The following GLRB variants were observed in gnomAD, a reference collection of about 807,000 sequenced individuals.
GLRB encodes glycine receptor beta, also known as glycine receptor subunit beta.
In GLRB, 33 loss-of-function variants were observed where a neutral mutation model predicts 54.2. That is an observed-to-expected ratio of 0.61 (90% CI 0.46 to 0.81). GLRB has a LOEUF of 0.81. Among genes scored for constraint, GLRB ranks in the 40% least tolerant of loss-of-function variants. The pLI is 0.00. For missense variants in GLRB, 572 were observed against 584.6 expected, an observed-to-expected ratio of 0.98 and a Z score of 0.22; for synonymous variants, 209 against 208.2, an observed-to-expected ratio of 1.00 and a Z score of -0.03.
rs1560931011 is a variant in GLRB, at chr4:157,082,967, TA to T, written c.122+4822del. On this transcript the variant is annotated intron_variant, in intron 2 of 9. Transcript: ENST00000264428. ...TATCAGACAAATGAATAGTGTTTTATATATATATATATATATATATATACAC... is the reference window on the plus strand; with the variant it reads ...TATCAGACAAATGAATAGTGTTTTATTATATATATATATATATATATACAC... Among the ~76,000 whole-genome samples the T allele has an allele frequency of 4.3e-3, 373 of 87,024 alleles. 2 individuals are homozygous for T. The highest frequency in any genetic ancestry group is 0.013 in the African/African-American group (287 of 22,386). 57.1% of individuals were successfully genotyped at this position (87,024 alleles called of 152,430 possible). A position where few individuals can be genotyped will look rare whatever the true frequency, so the allele number is the denominator to read the frequency against.
intron 9 of GLRB, among the ~76,000 whole-genome samples, chr4:157,159,602 T>C (rs1737385317): frequency 6.6e-6 from 1 of 152,210 alleles, no homozygotes; most frequent in African/African-American, 2.4e-5. Context: ...ATCTGGTTTT[T>C]GTCTTTGGTT....
At chr4:157,114,625 T>C (rs1735540056) in intron 2 of GLRB, among the ~76,000 whole-genome samples, 1 of 151,796 alleles carries the variant, frequency 6.6e-6, no homozygotes, top group African/African-American at 2.4e-5. Context: ...ATAGTTGTCA[T>C]GCCTTCTTGT....
intron 4 of GLRB, among the ~76,000 whole-genome samples, chr4:157,128,281 A>G (rs1736089215): frequency 6.6e-6 from 1 of 151,838 alleles, no homozygotes; most frequent in Non-Finnish European, 1.5e-5. Context: ...ACAATTTGTT[A>G]TGGATACTTT....
chr4:157,094,735 A>G (rs769874732), intron 2 of GLRB, among the ~76,000 whole-genome samples: 16 of 152,218 alleles, frequency 1.1e-4, no homozygotes, highest in Admixed American at 3.9e-4. Flanking sequence ...GTGAAGAACC[A>G]CAATGCTCAA....
At chr4:157,108,242 C>A (rs1484816261) in intron 2 of GLRB, among the ~76,000 whole-genome samples, 2 of 152,076 alleles carry the variant, frequency 1.3e-5, no homozygotes, top group Non-Finnish European at 2.9e-5. Context: ...TTTTGACATT[C>A]ACGTTTTATT....
chr4:157,120,191 T>C (rs1579214531), intron 2 of GLRB, among the ~76,000 whole-genome samples: 1 of 126,808 alleles, frequency 7.9e-6, no homozygotes, highest in South Asian at 2.4e-4. Flanking sequence ...AATGAGAACA[T>C]ATGGACACAG....
intron 2 of GLRB, among the ~76,000 whole-genome samples, chr4:157,095,937 T>A (rs1425071516): frequency 6.6e-6 from 1 of 152,086 alleles, no homozygotes; most frequent in African/African-American, 2.4e-5. Flanking sequence ...GTGGAAGCAC[T>A]GGCTTGGAGC....
At chr4:157,100,592 T>G (rs1056056888) in intron 2 of GLRB, among the ~76,000 whole-genome samples, 4 of 152,166 alleles carry the variant, frequency 2.6e-5, no homozygotes, top group African/African-American at 9.7e-5. Context: ...AGAGTTAGCT[T>G]TTCCATTTTA....
chr4:157,082,964 T>TTATATATATATATA lies in GLRB; in HGVS notation c.122+4831_122+4844dup, dbSNP rs58330518. Among the ~76,000 whole-genome samples, 454 of 139,598 alleles carry TTATATATATATATA rather than the reference T, an allele frequency of 3.3e-3. 2 individuals are homozygous for TTATATATATATATA. The highest frequency in any genetic ancestry group is 9.0e-3 in the African/African-American group (343 of 38,190). The allele number at this position is 139,598 out of a possible 152,430, so 91.6% of individuals were successfully genotyped here. On this transcript the variant is annotated intron_variant, in intron 2 of 9. Coordinates refer to ENST00000264428, the MANE Select transcript of GLRB (RefSeq NM_000824.5). ...AATTATCAGACAAATGAATAGTGTTTTATATATATATATATATATATATAT... is the reference window on the plus strand; with the variant it reads ...AATTATCAGACAAATGAATAGTGTTTTATATATATATATATATATATATATATATATATATATAT...
intron 9 of GLRB, among the ~76,000 whole-genome samples, chr4:157,159,137 G>T (rs917923673): frequency 6.6e-6 from 1 of 152,086 alleles, no homozygotes; most frequent in Non-Finnish European, 1.5e-5. Context: ...CTGTTTTTCT[G>T]TTATTGGTGT....
At chr4:157,097,673 A>T (rs946626520) in intron 2 of GLRB, among the ~76,000 whole-genome samples, 7 of 152,216 alleles carry the variant, frequency 4.6e-5, no homozygotes, top group Non-Finnish European at 1.0e-4. Context: ...GACTTTTTAC[A>T]TACAGCTCAT....
In GLRB at chr4:157,138,965, T is replaced by A; in HGVS notation, c.751+16T>A. On this transcript the variant is annotated intron_variant, in intron 7 of 9. Transcript: ENST00000264428. ...AAAGGCACGGGTAAGTAATATTCTT[T>A]AAATAAAACGAAGTTCTATTTCAAA... The A allele has an allele frequency of 7.9e-7, 1 of 1,268,762 alleles. No homozygotes were observed. Among genetic ancestry groups the A allele is most frequent in the Non-Finnish European group, 1.2e-6 (1 of 869,126 alleles). 78.6% of individuals were successfully genotyped at this position (1,268,762 alleles called of 1,614,324 possible). A position where few individuals can be genotyped will look rare whatever the true frequency, so the allele number is the denominator to read the frequency against.
At chr4:157,144,440 T>G (rs2126585244) in intron 8 of GLRB, among the ~76,000 whole-genome samples, 1 of 152,320 alleles carries the variant, frequency 6.6e-6, no homozygotes, top group South Asian at 2.1e-4. Flanking sequence ...GCTGGTTGCC[T>G]GTCCCTTGAG....
At chr4:157,170,394 A>G (rs1737872626) in intron 9 of GLRB, 38 bp from the exon 10 acceptor site, 1 of 1,255,008 alleles carries the variant, frequency 8.0e-7, no homozygotes. Context: ...CGTAAGTAGA[A>G]AAGTTTTAAA....
chr4:157,155,322 G>A lies in GLRB; in HGVS notation c.1197+2312G>A, dbSNP rs142390840. Among the ~76,000 whole-genome samples the A allele has an allele frequency of 5.6e-3, 852 of 152,144 alleles. 9 individuals carry two copies. Among genetic ancestry groups the A allele is most frequent in the Non-Finnish European group, 8.6e-3 (586 of 68,006 alleles). Reference sequence around the variant, plus strand: ...AGTTTTATATTTTTAGTAGAGACAGGGTTTCCTCATGTTGGCCAGACTGGT... The same window carrying A: ...AGTTTTATATTTTTAGTAGAGACAGAGTTTCCTCATGTTGGCCAGACTGGT... On this transcript the variant is annotated intron_variant, in intron 9 of 9. Transcript: ENST00000264428.
chr4:157,119,139 T>A (rs1735711128), intron 2 of GLRB, among the ~76,000 whole-genome samples: 1 of 151,686 alleles, frequency 6.6e-6, no homozygotes, highest in Admixed American at 6.6e-5. Flanking sequence ...GATTTTCCTC[T>A]TCTTAATAAA....
At chr4:157,119,739 T>G (rs868456440) in intron 2 of GLRB, among the ~76,000 whole-genome samples, 2 of 151,670 alleles carry the variant, frequency 1.3e-5, no homozygotes, top group Non-Finnish European at 1.5e-5. Flanking sequence ...AAACAACAGG[T>G]GCTGGAGAGG....
chr4:157,116,248 A>G (rs1735605321), intron 2 of GLRB, among the ~76,000 whole-genome samples: 1 of 151,846 alleles, frequency 6.6e-6, no homozygotes, highest in Non-Finnish European at 1.5e-5. Flanking sequence ...GACTGGTTGT[A>G]AAAGGCTTTT....
At chr4:157,108,949 T>C (rs1735320600) in intron 2 of GLRB, among the ~76,000 whole-genome samples, 2 of 152,074 alleles carry the variant, frequency 1.3e-5, no homozygotes, top group Non-Finnish European at 2.9e-5. Flanking sequence ...AAGGCAAGAC[T>C]CTTTTATCAG....
Sources: gnomAD v4.1 joint callset for allele counts (sites outside exome capture counted in the v4.1 genomes callset) on GRCh38, gnomAD v4.1.1 for gene constraint, MANE v1.5 for transcripts, NCBI Gene and HGNC (gene_info 2026-07-23, HGNC 2026-07-21) for gene names.